The following LIMCH1 variants were observed in gnomAD, a reference collection of about 807,000 sequenced individuals.
The protein encoded by LIMCH1 is LIM and calponin homology domains 1, also known as LIM and calponin homology domains-containing protein 1.
A neutral mutation model predicts 176.5 loss-of-function variants in LIMCH1; 113 were observed. The observed-to-expected ratio is 0.64, with a 90% confidence interval of 0.55 to 0.75. The LOEUF (loss-of-function observed/expected upper bound fraction) is 0.75. Ranked by LOEUF, LIMCH1 falls within the 30% of genes least tolerant of loss-of-function variation. LIMCH1 has a pLI of 0.00. For missense variants in LIMCH1, 1,674 were observed against 1,814.9 expected, an observed-to-expected ratio of 0.92 and a Z score of 1.41; for synonymous variants, 619 against 645.9, an observed-to-expected ratio of 0.96 and a Z score of 0.63.
chr4:41,578,894 G>T (rs1280095922), intron 1 of LIMCH1, among the ~76,000 whole-genome samples: 1 of 151,820 alleles, frequency 6.6e-6, no homozygotes. Context: ...ATAGAGACAG[G>T]GTCTCACTAT....
chr4:41,458,076 A>G (rs1406496307), intron 1 of LIMCH1, among the ~76,000 whole-genome samples: 1 of 152,176 alleles, frequency 6.6e-6, no homozygotes, highest in Non-Finnish European at 1.5e-5. Flanking sequence ...GCTTGAGATG[A>G]TGGACCCCAT....
chr4:41,682,672 CTTCTTCT>C lies in LIMCH1; in HGVS notation c.3845+215_3845+221del, dbSNP rs1405776474. On this transcript the variant is annotated intron_variant, in intron 26 of 31. Transcript: ENST00000503057. ...TATAAATAGCCTTATTTTTTTTCTTCTTCTTCTTTTTTTTTTTTTTGCTTGAGACGGA... is the reference window on the plus strand; with the variant it reads ...TATAAATAGCCTTATTTTTTTTCTTCTTTTTTTTTTTTTGCTTGAGACGGA... 6.6e-3 allele frequency among the ~76,000 whole-genome samples: 930 copies of C among 139,984 alleles called. 13 individuals carry two copies. The highest frequency in any genetic ancestry group is 9.4e-3 in the African/African-American group (352 of 37,464). 91.8% of individuals were successfully genotyped at this position (139,984 alleles called of 152,430 possible).
rs1446254614 is a variant in LIMCH1, at chr4:41,583,781, CTCTT to C, written c.-240-15137_-240-15134del. Among the ~76,000 whole-genome samples, 8 of 151,672 alleles carry C rather than the reference CTCTT, an allele frequency of 5.3e-5. No homozygotes were observed. The South Asian group carries it at 6.3e-4, about 12-fold the overall frequency. ...ATTTCCACCCAATTTCTCTCTCTCT[CTCTT>C]TTTTTTTTTTGCTTTGAATTCGTAC... On this transcript the variant is annotated intron_variant, in intron 1 of 31. Coordinates refer to ENST00000503057, the MANE Select transcript of LIMCH1 (RefSeq NM_001330672.2).
In LIMCH1 at chr4:41,531,474, T is replaced by TCACACACACACACACA. The variant is rs59275736; in HGVS notation, c.237+7023_237+7038dup. Among the ~76,000 whole-genome samples the TCACACACACACACACA allele has an allele frequency of 5.4e-4, 68 of 127,070 alleles. 2 individuals are homozygous for TCACACACACACACACA. Among genetic ancestry groups the TCACACACACACACACA allele is most frequent in the African/African-American group, 1.7e-3 (52 of 30,010 alleles). 83.4% of individuals were successfully genotyped at this position (127,070 alleles called of 152,430 possible). ...CTTTCTCTTCTACAGTCTTTCTCTG[T>TCACACACACACACACA]CACACACACACACACACACACACAC... On this transcript the variant is annotated intron_variant, in intron 3 of 26. Coordinates refer to the LIMCH1 transcript ENST00000313860.
rs148829088 is a variant in LIMCH1, at chr4:41,361,979, A to G, written c.96+1043A>G. On this transcript the variant is annotated intron_variant, in intron 1 of 26. Transcript: ENST00000313860. The stretch of plus-strand genomic sequence containing the variant: ...GGAGGAAGTGTATCGCTAAATCATG[A>G]CCCAGCAATGTTGAAGCTTCCAGAA... 3.9e-5 allele frequency among the ~76,000 whole-genome samples: 6 copies of G among 152,196 alleles called. 1 individual carries two copies. The highest frequency in any genetic ancestry group is 1.4e-4 in the African/African-American group (6 of 41,526).
At chr4:41,545,388 T>C (rs899813877) in intron 1 of LIMCH1, among the ~76,000 whole-genome samples, 1 of 152,182 alleles carries the variant, frequency 6.6e-6, no homozygotes, top group Non-Finnish European at 1.5e-5. Context: ...AAACACATTA[T>C]GTAAGAAAGG....
chr4:41,360,934 G>C lies in LIMCH1; in HGVS notation c.94G>C (p.Glu32Gln). 1 of 1,577,534 alleles carries C rather than the reference G, an allele frequency of 6.3e-7. No individual in the cohort carries two copies. The highest frequency in any genetic ancestry group is 8.6e-7 in the Non-Finnish European group (1 of 1,165,016). The change falls in exon 1 of 27, where the codon GAG (glutamate) becomes CAG (glutamine). Residue 32 changes from glutamate to glutamine, a missense_variant and splice_region_variant. Glu to Gln is a conservative substitution (Grantham distance 29). Coordinates refer to the LIMCH1 transcript ENST00000313860. The surrounding 1 kb of genome is among the most constrained non-coding windows in gnomAD (Gnocchi z 4.5). The stretch of plus-strand genomic sequence containing the variant: ...CTTCTCCGAGGCGCAGAAGTGGATT[G>C]AGGTAGGTGCGGGTGGCTGGCGGGC...
At chr4:41,527,112 A>C (rs2076738868) in intron 3 of LIMCH1, among the ~76,000 whole-genome samples, 1 of 152,232 alleles carries the variant, frequency 6.6e-6, no homozygotes. Context: ...AAAACTAAAG[A>C]TCTAATGCAA....
chr4:41,395,170 A>G (rs2057660566), intron 1 of LIMCH1, among the ~76,000 whole-genome samples: 1 of 151,808 alleles, frequency 6.6e-6, no homozygotes, highest in Admixed American at 6.6e-5. Context: ...CTATAATTTG[A>G]TAGACTATTT....
intron 1 of LIMCH1, among the ~76,000 whole-genome samples, chr4:41,572,343 G>A (rs932571175): frequency 2.6e-5 from 4 of 152,046 alleles, no homozygotes; most frequent in Admixed American, 6.5e-5. Flanking sequence ...ATTGGATTTA[G>A]GGGAATTACC....
At chr4:41,653,983 G>A (rs916491719) in intron 18 of LIMCH1, among the ~76,000 whole-genome samples, 3 of 152,136 alleles carry the variant, frequency 2.0e-5, no homozygotes, top group Admixed American at 2.0e-4. Flanking sequence ...CTTGCAGATG[G>A]GCACGTGTTA....
intron 2 of LIMCH1, among the ~76,000 whole-genome samples, chr4:41,518,037 T>C (rs899043582): frequency 6.6e-6 from 1 of 152,200 alleles, no homozygotes; most frequent in Non-Finnish European, 1.5e-5. Context: ...AGATTAAGCA[T>C]GAACTTTCCA....
chr4:41,476,525 T>A (rs544278577), intron 1 of LIMCH1, among the ~76,000 whole-genome samples: 1 of 152,206 alleles, frequency 6.6e-6, no homozygotes, highest in Non-Finnish European at 1.5e-5. Context: ...CAATGCTCAG[T>A]GATGAATGGC....
intron 7 of LIMCH1, among the ~76,000 whole-genome samples, chr4:41,625,979 T>C (rs1339251597): frequency 6.6e-6 from 1 of 152,086 alleles, no homozygotes; most frequent in East Asian, 1.9e-4. Context: ...ATTGCACCAC[T>C]GCGTTCCAGC....
chr4:41,645,167 G>C (rs1353845396), intron 15 of LIMCH1, among the ~76,000 whole-genome samples: 2 of 152,204 alleles, frequency 1.3e-5, no homozygotes, highest in Non-Finnish European at 2.9e-5. Flanking sequence ...AACCAGGGAA[G>C]GAAGGCTAAA....
At chr4:41,412,918 G>T (rs1206188052) in intron 1 of LIMCH1, among the ~76,000 whole-genome samples, 2 of 152,172 alleles carry the variant, frequency 1.3e-5, no homozygotes, top group African/African-American at 4.8e-5. Context: ...AACTCTGGGG[G>T]TTACCAGCTT....
intron 17 of LIMCH1, among the ~76,000 whole-genome samples, chr4:41,648,039 A>G (rs2094136529): frequency 6.6e-6 from 1 of 152,162 alleles, no homozygotes; most frequent in African/African-American, 2.4e-5. Context: ...GCTACTAATC[A>G]TATGGACTCA....
intron 4 of LIMCH1, among the ~76,000 whole-genome samples, chr4:41,607,275 C>G (rs2090858269): frequency 6.6e-6 from 1 of 152,190 alleles, no homozygotes; most frequent in East Asian, 1.9e-4. Flanking sequence ...TTTTCCTTTC[C>G]TTAAATTAAA....
intron 1 of LIMCH1, among the ~76,000 whole-genome samples, chr4:41,411,660 A>T (rs2059489237): frequency 7.2e-6 from 1 of 139,172 alleles, no homozygotes; most frequent in Non-Finnish European, 1.6e-5. Flanking sequence ...CTCAGCTTTT[A>T]GGGAAAAAAA....
Sources: gnomAD v4.1 joint callset for allele counts (sites outside exome capture counted in the v4.1 genomes callset) on GRCh38, gnomAD v4.1.1 for gene constraint, Gnocchi (gnomAD v3.1) non-coding constraint, MANE v1.5 for transcripts, NCBI Gene and HGNC (gene_info 2026-07-23, HGNC 2026-07-21) for gene names.